The following SLC24A2 variants were observed in gnomAD, a reference collection of about 807,000 sequenced individuals.
SLC24A2 encodes the protein sodium/potassium/calcium exchanger 2.
In SLC24A2, 36 loss-of-function variants were observed where a neutral mutation model predicts 62.0. The observed-to-expected ratio is 0.58, with a 90% CI of 0.44 to 0.77. SLC24A2 has a LOEUF of 0.77. SLC24A2 is among the 30% of genes least tolerant of loss of function. SLC24A2 has a pLI of 0.00. For missense variants in SLC24A2, 846 were observed against 817.9 expected, an observed-to-expected ratio of 1.03 and a Z score of -0.42; for synonymous variants, 358 against 294.0, an observed-to-expected ratio of 1.22 and a Z score of -2.23.
the SLC24A2 span, among the ~76,000 whole-genome samples, chr9:20,011,001 G>T: frequency 2.4e-4 from 37 of 152,150 alleles, 2 homozygotes; most frequent in South Asian, 7.1e-3. Flanking sequence ...TCTTAATCCA[G>T]TCTATCATTG....
chr9:20,231,015 G>C, the SLC24A2 span, among the ~76,000 whole-genome samples: 2,961 of 152,104 alleles, frequency 0.019, 97 homozygotes, highest in African/African-American at 0.067. Context: ...GCTTGTTTTT[G>C]TCAGGTTTGT....
chr9:19,561,270 T>C (rs961640290), intron 7 of SLC24A2, among the ~76,000 whole-genome samples: 8 of 151,838 alleles, frequency 5.3e-5, no homozygotes, highest in African/African-American at 1.9e-4. Context: ...CTCTACTCTG[T>C]TCTTATCCTC....
At chr9:20,199,930 G>A in the SLC24A2 span, among the ~76,000 whole-genome samples, 1 of 140,720 alleles carries the variant, frequency 7.1e-6, no homozygotes, top group East Asian at 2.1e-4. Context: ...AGGGTTTCAC[G>A]ATGTTGGCCA....
the SLC24A2 span, among the ~76,000 whole-genome samples, chr9:20,059,388 C>A: frequency 6.6e-6 from 1 of 152,192 alleles, no homozygotes; most frequent in East Asian, 1.9e-4. Context: ...CCAGGATGGA[C>A]CATATACTAA....
chr9:19,786,013 T>A lies in SLC24A2; in HGVS notation c.854A>T (p.Gln285Leu). The A allele has an allele frequency of 6.2e-7, 1 of 1,614,142 alleles. No homozygotes were observed. The highest frequency in any genetic ancestry group is 2.2e-5 in the East Asian group (1 of 44,884). Residue 285 changes from glutamine to leucine, a missense_variant, in exon 2 of 11, where the codon CAA becomes CTA. Physicochemically the swap from Gln to Leu is moderately radical, Grantham distance 113. Transcript: ENST00000341998. This position sits in a 1 kb window ranked among gnomAD's most constrained non-coding sequence, Gnocchi z 5.0. ...CATTTGCTTCACCCATTTTTCTACTTGGACGTTGAATTTCATGAAAACCAC... is the reference window on the plus strand; with the variant it reads ...CATTTGCTTCACCCATTTTTCTACTAGGACGTTGAATTTCATGAAAACCAC... ...CYVVFMKFNV[Q>L]VEKWVKQMIN...
chr9:20,033,960 C>T, the SLC24A2 span, among the ~76,000 whole-genome samples: 1 of 152,206 alleles, frequency 6.6e-6, no homozygotes, highest in Non-Finnish European at 1.5e-5. Context: ...CTGCAAGAAG[C>T]CAAGAACTCA....
At chr9:20,287,650 C>A in the SLC24A2 span, among the ~76,000 whole-genome samples, 649 of 152,308 alleles carry the variant, frequency 4.3e-3, 6 homozygotes, top group African/African-American at 0.015. Context: ...AAAATACGTG[C>A]CTTCGCAGAG....
chr9:19,704,404 A>AGT (rs35909298), intron 2 of SLC24A2, among the ~76,000 whole-genome samples: 48,649 of 151,860 alleles, frequency 0.32, 8,219 homozygotes, highest in African/African-American at 0.44. Flanking sequence ...AGAGAGAGAG[A>AGT]GTGTGTGTAT....
the SLC24A2 span, among the ~76,000 whole-genome samples, chr9:19,873,372 CTT>C: frequency 7.0e-6 from 1 of 142,150 alleles, no homozygotes; most frequent in African/African-American, 2.6e-5. Flanking sequence ...CTCTTTCTTT[CTT>C]TCTTTCTCTT....
intron 2 of SLC24A2, among the ~76,000 whole-genome samples, chr9:19,782,332 C>T (rs1214756021): frequency 6.6e-6 from 1 of 152,118 alleles, no homozygotes; most frequent in Non-Finnish European, 1.5e-5. Flanking sequence ...AAGAAGAGAG[C>T]CCCAAACATC....
chr9:20,290,680 T>C, the SLC24A2 span, among the ~76,000 whole-genome samples: 1 of 152,220 alleles, frequency 6.6e-6, no homozygotes, highest in South Asian at 2.1e-4. Flanking sequence ...AAATCGTTTT[T>C]GATGCTACAG....
the SLC24A2 span, among the ~76,000 whole-genome samples, chr9:19,811,611 T>C: frequency 6.6e-6 from 1 of 152,148 alleles, no homozygotes; most frequent in Non-Finnish European, 1.5e-5. Context: ...CTAGCCTCTA[T>C]TAACTTTTAT....
chr9:20,060,714 C>A, the SLC24A2 span, among the ~76,000 whole-genome samples: 2 of 151,872 alleles, frequency 1.3e-5, no homozygotes, highest in Non-Finnish European at 2.9e-5. Flanking sequence ...GAAAACTGTG[C>A]GCCTAAGAAA....
the SLC24A2 span, among the ~76,000 whole-genome samples, chr9:20,255,625 G>A: frequency 6.6e-6 from 1 of 152,008 alleles, no homozygotes; most frequent in Admixed American, 6.6e-5. Flanking sequence ...GTCTATCTAA[G>A]AGGCTGCTTG....
At chr9:19,821,411 T>C in the SLC24A2 span, among the ~76,000 whole-genome samples, 1 of 152,242 alleles carries the variant, frequency 6.6e-6, no homozygotes, top group South Asian at 2.1e-4. Context: ...TTTTTTGCCT[T>C]TCCACCTGGA....
intron 7 of SLC24A2, among the ~76,000 whole-genome samples, chr9:19,564,867 A>C (rs150792396): frequency 3.6e-4 from 55 of 152,300 alleles, no homozygotes; most frequent in African/African-American, 1.1e-3. Context: ...AGCAGGGATT[A>C]TGATGCAGCA....
At chr9:19,735,320 C>CAAT (rs1821473595) in intron 2 of SLC24A2, among the ~76,000 whole-genome samples, 1 of 152,102 alleles carries the variant, frequency 6.6e-6, no homozygotes, top group Non-Finnish European at 1.5e-5. Flanking sequence ...CCATCTCACA[C>CAAT]CAGTTAGAAT....
chr9:20,266,942 C>T, the SLC24A2 span, among the ~76,000 whole-genome samples: 1 of 151,528 alleles, frequency 6.6e-6, no homozygotes, highest in African/African-American at 2.4e-5. Flanking sequence ...ATCAGCTAGG[C>T]ATAGTGGAAC....
the SLC24A2 span, among the ~76,000 whole-genome samples, chr9:19,998,783 G>T: frequency 6.6e-6 from 1 of 152,186 alleles, no homozygotes; most frequent in South Asian, 2.1e-4. Flanking sequence ...ACCCCTGGGG[G>T]GATTCAGATT....
Sources: allele counts gnomAD v4.1 joint callset (sites outside exome capture counted in the v4.1 genomes callset), GRCh38; gene constraint gnomAD v4.1.1; non-coding constraint Gnocchi (gnomAD v3.1); transcripts MANE v1.5; gene names NCBI Gene and HGNC (gene_info 2026-07-23, HGNC 2026-07-21).